The following MYT1L variants were observed in gnomAD, a reference collection of about 807,000 sequenced individuals.
MYT1L encodes myelin transcription factor 1 like.
Under a neutral mutation model 126.7 loss-of-function variants are expected in MYT1L, and 12 were observed. That is an observed-to-expected ratio of 0.09 (90% CI 0.06 to 0.15). The LOEUF is 0.15. MYT1L is among the 10% of genes least tolerant of loss of function. The pLI is 1.00. For missense variants in MYT1L, 979 were observed against 1,585.2 expected (o/e 0.62, Z 6.49); for synonymous variants, 541 against 604.2 (o/e 0.90, Z 1.53).
At chr2:2,221,661 G>A (rs1169210944) in intron 2 of MYT1L, among the ~76,000 whole-genome samples, 2 of 152,162 alleles carry the variant, frequency 1.3e-5, no homozygotes, top group Non-Finnish European at 2.9e-5. Context: ...CCATTACCCC[G>A]TGGCAGGAAC....
chr2:2,032,602 T>TAC (rs1257272048), intron 4 of MYT1L, among the ~76,000 whole-genome samples: 1 of 144,962 alleles, frequency 6.9e-6, no homozygotes, highest in African/African-American at 2.6e-5. Context: ...AGGAGGGCCT[T>TAC]ACACACACCC....
At chr2:1,998,645 T>A (rs1429803610) in intron 4 of MYT1L, among the ~76,000 whole-genome samples, 1 of 152,200 alleles carries the variant, frequency 6.6e-6, no homozygotes, top group Non-Finnish European at 1.5e-5. Flanking sequence ...AAATCCTGAT[T>A]AGTCCCTTGA....
intron 4 of MYT1L, among the ~76,000 whole-genome samples, chr2:2,042,952 C>T (rs2067719200): frequency 1.3e-5 from 2 of 152,186 alleles, no homozygotes; most frequent in Admixed American, 1.3e-4. Context: ...TCACCTGGTG[C>T]CAGCAGCACT....
At chr2:1,967,360 T>C (rs1331243081) in intron 8 of MYT1L, among the ~76,000 whole-genome samples, 1 of 152,190 alleles carries the variant, frequency 6.6e-6, no homozygotes, top group South Asian at 2.1e-4. Flanking sequence ...AGTACCCACC[T>C]GGCCTGTCCA....
chr2:1,983,168 T>C (rs1289130977), intron 5 of MYT1L, among the ~76,000 whole-genome samples: 1 of 152,186 alleles, frequency 6.6e-6, no homozygotes, highest in Non-Finnish European at 1.5e-5. Flanking sequence ...AGACTCTCTG[T>C]TCCCTCCTCC....
chr2:2,323,690 G>C (rs1393975448), intron 1 of MYT1L, among the ~76,000 whole-genome samples: 2 of 152,110 alleles, frequency 1.3e-5, no homozygotes, highest in Non-Finnish European at 2.9e-5. Flanking sequence ...TTGCAAAAAT[G>C]ATCTCCATTT....
intron 4 of MYT1L, among the ~76,000 whole-genome samples, chr2:2,007,054 T>A (rs1427927653): frequency 1.3e-5 from 2 of 152,028 alleles, no homozygotes; most frequent in Admixed American, 1.3e-4. Flanking sequence ...GATATATATA[T>A]ATATATATAT....
intron 19 of MYT1L, among the ~76,000 whole-genome samples, chr2:1,843,222 C>A (rs1001300536): frequency 1.3e-5 from 2 of 152,256 alleles, no homozygotes. Flanking sequence ...CCTCACAGTG[C>A]GGCCGCTGCA....
chr2:1,844,296 C>T (rs1314111375), intron 19 of MYT1L, among the ~76,000 whole-genome samples: 1 of 152,180 alleles, frequency 6.6e-6, no homozygotes, highest in South Asian at 2.1e-4. Context: ...ATGGCTGGAA[C>T]CTTTATACTG....
At chr2:1,964,439 C>T (rs2059185616) in intron 8 of MYT1L, among the ~76,000 whole-genome samples, 1 of 152,164 alleles carries the variant, frequency 6.6e-6, no homozygotes, top group Non-Finnish European at 1.5e-5. Flanking sequence ...GTCAGGGTTG[C>T]CACAAACCTT....
At chr2:2,145,966 C>A (rs1481418881) in intron 3 of MYT1L, among the ~76,000 whole-genome samples, 1 of 152,102 alleles carries the variant, frequency 6.6e-6, no homozygotes, top group African/African-American at 2.4e-5. Flanking sequence ...CAGAAGTGTT[C>A]CCCCCGATCT....
In MYT1L at chr2:1,943,879, AGCCCTAGG is replaced by A. The variant is rs1486255020; in HGVS notation, c.153-553_153-546del. On this transcript the variant is annotated intron_variant, in intron 8 of 24. Coordinates refer to ENST00000647738, the MANE Select transcript of MYT1L (RefSeq NM_001303052.2). The surrounding 1 kb of genome is among the most constrained non-coding windows in gnomAD (Gnocchi z 4.4). Reference sequence around the variant, plus strand: ...CTTGATAACCTCCTGAAACAAGATGAGCCCTAGGGCTTGTCAATGTTGTATGAAAGCAA... The same window carrying A: ...CTTGATAACCTCCTGAAACAAGATGAGCTTGTCAATGTTGTATGAAAGCAA... 6.6e-6 allele frequency among the ~76,000 whole-genome samples: 1 copy of A among 152,198 alleles called. No individual in the cohort carries two copies. The highest frequency in any genetic ancestry group is 1.5e-5 in the Non-Finnish European group (1 of 68,050).
chr2:2,065,051 A>T (rs1048005937), intron 3 of MYT1L, among the ~76,000 whole-genome samples: 1 of 152,086 alleles, frequency 6.6e-6, no homozygotes, highest in African/African-American at 2.4e-5. Context: ...TAAAAATGGT[A>T]GCCAGTCTTG....
At chr2:2,169,647 CAT>C (rs776052670) in intron 3 of MYT1L, among the ~76,000 whole-genome samples, 6 of 151,772 alleles carry the variant, frequency 4.0e-5, no homozygotes, top group South Asian at 2.1e-4. Context: ...TTTAAATTCA[CAT>C]GTTTACATTT....
chr2:1,877,076 C>T (rs560107995), intron 18 of MYT1L, among the ~76,000 whole-genome samples: 21 of 152,248 alleles, frequency 1.4e-4, no homozygotes, highest in African/African-American at 4.1e-4. Context: ...AAACCCACTC[C>T]GCAAAGCCCT....
In MYT1L at chr2:1,791,834, T is replaced by C. The variant is rs777864846; in HGVS notation, c.*33A>G. ...GCAGCAAAAAACAAGAGGCATCCTT[T>C]TTAAGCAAGAGTTTCATCACTACAG... is the stretch of plus-strand genomic sequence containing the variant. On this transcript the variant is annotated 3_prime_UTR_variant, in exon 25 of 25. Transcript: ENST00000647738. The surrounding 1 kb of genome is among the most constrained non-coding windows in gnomAD (Gnocchi z 6.0). The C allele has an allele frequency of 5.2e-6, 8 of 1,524,958 alleles. No homozygotes were observed. The highest frequency in any genetic ancestry group is 7.0e-6 in the Non-Finnish European group (8 of 1,141,778). The allele number at this position is 1,524,958 out of a possible 1,614,324, so 94.5% of individuals were successfully genotyped here.
intron 21 of MYT1L, 45 bp from the exon 22 acceptor site, chr2:1,809,212 C>A (rs757559291): frequency 6.4e-7 from 1 of 1,572,106 alleles, no homozygotes; most frequent in Non-Finnish European, 8.8e-7. Context: ...TGTCTAATGT[C>A]CCAGCCCTGC....
chr2:1,885,941 C>T (rs1249470045), intron 18 of MYT1L, among the ~76,000 whole-genome samples: 1 of 152,152 alleles, frequency 6.6e-6, no homozygotes, highest in South Asian at 2.1e-4. Context: ...GGTATTTCAC[C>T]AATTTGCCAG....
At chr2:2,236,302 CCCAGT>C (rs2094301965) in intron 2 of MYT1L, among the ~76,000 whole-genome samples, 1 of 138,274 alleles carries the variant, frequency 7.2e-6, no homozygotes, top group African/African-American at 2.7e-5. Context: ...CCCAACCCAG[CCCAGT>C]ACATCCCAAC....
Sources: allele counts gnomAD v4.1 joint callset (sites outside exome capture counted in the v4.1 genomes callset), GRCh38; gene constraint gnomAD v4.1.1; non-coding constraint Gnocchi (gnomAD v3.1); transcripts MANE v1.5; gene names NCBI Gene and HGNC (gene_info 2026-07-23, HGNC 2026-07-21).